The following PRKCZ variants were observed in gnomAD, a reference collection of about 807,000 sequenced individuals.
PRKCZ encodes the protein protein kinase C zeta.
Under a neutral mutation model 79.5 loss-of-function variants are expected in PRKCZ, and 33 were observed. The observed-to-expected ratio is 0.41, with a 90% CI of 0.31 to 0.55. PRKCZ has a LOEUF of 0.55. Ranked by LOEUF, PRKCZ falls within the 20% of genes least tolerant of loss-of-function variation. The pLI, the probability that PRKCZ is intolerant of heterozygous loss-of-function variation, is 0.19. For synonymous variants in PRKCZ, 342 were observed against 320.9 expected (o/e 1.07, Z -0.70); for missense variants, 578 against 813.5 (o/e 0.71, Z 3.52).
At chr1:2,164,116 G>A (rs1446920212) in intron 10 of PRKCZ, among the ~76,000 whole-genome samples, 3 of 152,122 alleles carry the variant, frequency 2.0e-5, no homozygotes, top group Non-Finnish European at 4.4e-5. Context: ...AATTCAATTT[G>A]CTGATATTTT....
At chr1:2,137,488 G>T in intron 5 of PRKCZ, among the ~76,000 whole-genome samples, 1 of 152,210 alleles carries the variant, frequency 6.6e-6, no homozygotes, top group Non-Finnish European at 1.5e-5. Flanking sequence ...GTGCCGCAGG[G>T]CTGCGCCCTC....
chr1:2,144,066 G>T, intron 5 of PRKCZ, 144 bp from the exon 6 acceptor site: 4 of 1,214,628 alleles, frequency 3.3e-6, no homozygotes, highest in Non-Finnish European at 3.4e-6. Context: ...CAAGCCTGGC[G>T]CCCGGAAGGG....
In PRKCZ at chr1:2,185,304, T is replaced by G; in HGVS notation, c.*295T>G. 1.4e-6 allele frequency: 1 copy of G among 718,562 alleles called. No homozygotes were observed. The highest frequency in any genetic ancestry group is 2.6e-6 in the Non-Finnish European group (1 of 385,004). The allele number at this position is 718,562 out of a possible 1,614,324, so 44.5% of individuals were successfully genotyped here. On this transcript the variant is annotated 3_prime_UTR_variant, in exon 18 of 18. Transcript: ENST00000378567. The stretch of plus-strand genomic sequence containing the variant: ...CATGCGGTTTCCAAGGTGCACATTT[T>G]CCACGGAAACAGAACTCGATGCACT...
intron 4 of PRKCZ, among the ~76,000 whole-genome samples, chr1:2,084,485 A>T (rs958831624): frequency 6.6e-6 from 1 of 152,146 alleles, no homozygotes; most frequent in African/African-American, 2.4e-5. Context: ...CCGCTTCACC[A>T]TATGGCAGAA....
At position 2,168,822 on chromosome 1, in the gene PRKCZ, A is replaced by ATT; in HGVS notation, c.975-694_975-693dup. The stretch of plus-strand genomic sequence containing the variant: ...GACCTAAAAAAACCCGCCACAGGGT[A>ATT]TTTCTGGGAGATTGTATGAGAATTT... On this transcript the variant is annotated intron_variant, in intron 10 of 17. Transcript: ENST00000378567. This position sits in a 1 kb window ranked among gnomAD's most constrained non-coding sequence, Gnocchi z 4.7. 4.8e-6 allele frequency: 1 copy of ATT among 206,274 alleles called. No individual in the cohort carries two copies. Among genetic ancestry groups the ATT allele is most frequent in the Non-Finnish European group, 1.0e-5 (1 of 97,828 alleles). 12.8% of individuals were successfully genotyped at this position (206,274 alleles called of 1,614,324 possible).
chr1:2,108,497 T>C (rs1669044588), intron 4 of PRKCZ, among the ~76,000 whole-genome samples: 1 of 152,194 alleles, frequency 6.6e-6, no homozygotes, highest in African/African-American at 2.4e-5. Flanking sequence ...GTGGGTGCCG[T>C]CCAGGTCTGT....
rs775616525 is a variant in PRKCZ, at chr1:2,184,633, C to A, written c.1626C>A (p.Asp542Glu). ...CATTCCAGCCACAGATCACAGACGA[C>A]TACGGTCTGGACAACTTTGACACAC... ...LPPFQPQITD[D>E]YGLDNFDTQF... Residue 542 changes from aspartate to glutamate, a missense_variant, in exon 17 of 18, where the codon GAC becomes GAA. By Grantham distance (45) the Asp-to-Glu change is conservative. This residue lies in a region of PRKCZ where 243 missense variants were observed against 467.0 expected (regional missense o/e 0.52). Transcript: ENST00000378567. 1.1e-5 allele frequency: 17 copies of A among 1,614,012 alleles called. No individual in the cohort carries two copies. The East Asian group carries it at 3.6e-4, about 34-fold the overall frequency.
chr1:2,066,032 A>G lies in PRKCZ; in HGVS notation c.334+6441A>G, dbSNP rs56136180. 9.1e-3 allele frequency among the ~76,000 whole-genome samples: 1,389 copies of G among 152,110 alleles called. 10 individuals carry two copies. Among genetic ancestry groups the G allele is most frequent in the African/African-American group, 0.018 (729 of 41,486 alleles). On this transcript the variant is annotated intron_variant, in intron 4 of 17. Transcript: ENST00000378567. ...TTGCTCTTGGTGTGTAATTTTCTTG[A>G]TATGCTGCCGAATTCATTTTACTAG...
chr1:2,112,437 G>C (rs1669927100), intron 4 of PRKCZ, among the ~76,000 whole-genome samples: 1 of 152,114 alleles, frequency 6.6e-6, no homozygotes, highest in African/African-American at 2.4e-5. Flanking sequence ...TGGAACCCCT[G>C]CCCCGTGAAC....
chr1:2,127,899 C>T lies in PRKCZ; in HGVS notation c.335-7363C>T, dbSNP rs1055228156. 1.3e-5 allele frequency among the ~76,000 whole-genome samples: 2 copies of T among 152,222 alleles called. No homozygotes were observed. The highest frequency in any genetic ancestry group is 4.8e-5 in the African/African-American group (2 of 41,458). ...TGGGCCACGGGCAGCCCTGGGACAC[C>T]TTAGCTCTGGACACGAATTTGCGGT... is the stretch of plus-strand genomic sequence containing the variant. On this transcript the variant is annotated intron_variant, in intron 4 of 17. Transcript: ENST00000378567. This position sits in a 1 kb window ranked among gnomAD's most constrained non-coding sequence, Gnocchi z 5.1.
rs933711623 is a variant in PRKCZ at position 2,050,423 on chromosome 1, C to T, written c.-208C>T. 3.8e-4 allele frequency: 71 copies of T among 185,786 alleles called. No homozygotes were observed. The highest frequency in any genetic ancestry group is 1.6e-3 in the African/African-American group (67 of 42,036). 11.5% of individuals were successfully genotyped at this position (185,786 alleles called of 1,614,324 possible). On this transcript the variant is annotated 5_prime_UTR_variant, in exon 1 of 18. Transcript: ENST00000378567. ...CTCGGTCCGCCATGTTCGGACACCG[C>T]CCCCCGCCCCCGCCGGACGGTCCCG... is the stretch of plus-strand genomic sequence containing the variant.
intron 4 of PRKCZ, among the ~76,000 whole-genome samples, chr1:2,105,711 CAAAT>C (rs1222393254): frequency 6.6e-6 from 1 of 152,130 alleles, no homozygotes; most frequent in Non-Finnish European, 1.5e-5. Flanking sequence ...GGTCTTTTTT[CAAAT>C]AAATGTCTAA....
intron 3 of PRKCZ, among the ~76,000 whole-genome samples, chr1:2,057,519 T>A (rs1159197967): frequency 9.9e-5 from 15 of 152,226 alleles, no homozygotes; most frequent in African/African-American, 3.4e-4. Flanking sequence ...GACACCGGGC[T>A]ACCTGGTTAC....
Position 2,185,284 on chromosome 1 carries a change from G to C in PRKCZ, c.*275G>C, listed in dbSNP as rs11553732. On this transcript the variant is annotated 3_prime_UTR_variant, in exon 18 of 18. Transcript: ENST00000378567. ...GACCCTGCCGAGGGGGCTGTCATGC[G>C]GTTTCCAAGGTGCACATTTTCCACG... 2.8e-6 allele frequency: 2 copies of C among 717,802 alleles called. No individual in the cohort carries two copies. Among genetic ancestry groups the C allele is most frequent in the Non-Finnish European group, 5.2e-6 (2 of 384,666 alleles). 44.5% of individuals were successfully genotyped at this position (717,802 alleles called of 1,614,324 possible). A position where few individuals can be genotyped will look rare whatever the true frequency, so the allele number is the denominator to read the frequency against.
intron 4 of PRKCZ, among the ~76,000 whole-genome samples, chr1:2,070,705 G>T (rs1661494733): frequency 6.9e-6 from 1 of 144,882 alleles, no homozygotes; most frequent in Non-Finnish European, 1.5e-5. Flanking sequence ...CCGTGGAGGG[G>T]CCCTTCCTGA....
rs550907237 is a variant in PRKCZ at position 2,052,248 on chromosome 1, C to T, written c.71+1547C>T. Among the ~76,000 whole-genome samples, 7 of 152,268 alleles carry T rather than the reference C, an allele frequency of 4.6e-5. No homozygotes were observed. In the East Asian group the frequency reaches 1.4e-3, roughly 29 times the overall value. ...TGGGACCAAGGCTCGGAGGCAATGC[C>T]ACTGGAGTTCTGGGCCGCCCCGTCC... On this transcript the variant is annotated intron_variant, in intron 1 of 17. Coordinates refer to ENST00000378567, the MANE Select transcript of PRKCZ (RefSeq NM_002744.6).
At chr1:2,175,182 G>C (rs371729663) in intron 15 of PRKCZ, 42 bp from the exon 16 acceptor site, 11 of 1,571,700 alleles carry the variant, frequency 7.0e-6, no homozygotes, top group African/African-American at 5.4e-5. Flanking sequence ...TGGGGCTTCC[G>C]GGATGGGGCT....
chr1:2,055,143 C>T (rs1357534575), intron 1 of PRKCZ, among the ~76,000 whole-genome samples: 2 of 151,952 alleles, frequency 1.3e-5, no homozygotes, highest in Non-Finnish European at 2.9e-5. Context: ...GGGGTTTCAC[C>T]GTGTTAGCCA....
chr1:2,049,316 C>G (rs1188205799), upstream of PRKCZ: 1 of 148,870 alleles, frequency 6.7e-6, no homozygotes. Flanking sequence ...AGAGATGGCT[C>G]GGTGGGTGGA....
Sources: gnomAD v4.1 joint callset for allele counts (sites outside exome capture counted in the v4.1 genomes callset) on GRCh38, gnomAD v4.1.1 for gene constraint, gnomAD v4.1.1 regional missense constraint, Gnocchi (gnomAD v3.1) non-coding constraint, MANE v1.5 for transcripts, NCBI Gene and HGNC (gene_info 2026-07-23, HGNC 2026-07-21) for gene names.